MET: variants seen among roughly 807,000 people sequenced by gnomAD.
MET encodes hepatocyte growth factor receptor.
MET carries 48 observed loss-of-function variants against 133.1 expected under a neutral mutation model. That is an observed-to-expected ratio of 0.36 (90% CI 0.29 to 0.46). The LOEUF (loss-of-function observed/expected upper bound fraction) is 0.46. Among genes scored for constraint, MET ranks in the 20% least tolerant of loss-of-function variants. MET has a pLI of 1.00. For missense variants in MET, 1,442 were observed against 1,695.9 expected (o/e 0.85, Z 2.63); for synonymous variants, 628 against 616.5 (o/e 1.02, Z -0.28).
chr7:116,796,140 A>G lies in MET; in HGVS notation c.*16A>G, dbSNP rs200573684. The G allele has an allele frequency of 5.0e-6, 8 of 1,597,262 alleles. No individual in the cohort carries two copies. Among genetic ancestry groups the G allele is most frequent in the Non-Finnish European group, 6.0e-6 (7 of 1,165,000 alleles). ...GACATCATAGTGCTAGTACTATGTC[A>G]AAGCAACAGTCCACACTTTGTCCAA... On this transcript the variant is annotated 3_prime_UTR_variant, in exon 21 of 21. Coordinates refer to ENST00000397752, the MANE Select transcript of MET (RefSeq NM_000245.4).
intron 17 of MET, among the ~76,000 whole-genome samples, chr7:116,779,206 C>T (rs1795082327): frequency 6.6e-6 from 1 of 152,170 alleles, no homozygotes; most frequent in African/African-American, 2.4e-5. Flanking sequence ...CTGATAGGGA[C>T]ATTTAGTCAT....
intron 2 of MET, among the ~76,000 whole-genome samples, chr7:116,724,526 A>C (rs1182199807): frequency 6.6e-6 from 1 of 152,196 alleles, no homozygotes; most frequent in African/African-American, 2.4e-5. Context: ...CTTTTTAAAA[A>C]TTTCCTATAA....
chr7:116,676,635 A>G (rs1796169121), intron 1 of MET, among the ~76,000 whole-genome samples: 1 of 152,212 alleles, frequency 6.6e-6, no homozygotes, highest in Non-Finnish European at 1.5e-5. Flanking sequence ...AGAGAGTGGG[A>G]TGGTGATTGA....
At chr7:116,678,406 C>T (rs1796234396) in intron 1 of MET, among the ~76,000 whole-genome samples, 1 of 149,518 alleles carries the variant, frequency 6.7e-6, no homozygotes, top group Admixed American at 6.6e-5. Context: ...AGCACCTAGA[C>T]TCTCAGGTCC....
At position 116,740,117 on chromosome 7, in the gene MET, G is replaced by A. The variant is rs762538423; in HGVS notation, c.1527+33G>A. On this transcript the variant is annotated intron_variant, in intron 4 of 20. Transcript: ENST00000397752. ...GTTCCCACAGGGAATTTCCATAGACGTGGTTTTTCCCAAATGCATATTTAC... is the reference window on the plus strand; with the variant it reads ...GTTCCCACAGGGAATTTCCATAGACATGGTTTTTCCCAAATGCATATTTAC... 30 of 1,613,278 alleles carry A rather than the reference G, an allele frequency of 1.9e-5. No individual in the cohort carries two copies. The highest frequency in any genetic ancestry group is 2.3e-5 in the Non-Finnish European group (27 of 1,179,468).
intron 1 of MET, among the ~76,000 whole-genome samples, chr7:116,693,528 T>C (rs1196809163): frequency 6.6e-6 from 1 of 152,210 alleles, no homozygotes; most frequent in African/African-American, 2.4e-5. Flanking sequence ...TTAGCTGCAC[T>C]GCCACAACTA....
intron 19 of MET, among the ~76,000 whole-genome samples, chr7:116,784,377 T>A (rs1795247012): frequency 6.6e-6 from 1 of 152,216 alleles, no homozygotes; most frequent in Non-Finnish European, 1.5e-5. Flanking sequence ...GTTCTCACAC[T>A]GCTATAAAGA....
At chr7:116,759,588 A>G in intron 10 of MET, 98 bp downstream of exon 10, 2 of 1,355,752 alleles carry the variant, frequency 1.5e-6, no homozygotes, top group African/African-American at 2.9e-5. Flanking sequence ...TTCGCCTTTA[A>G]GGTTTGCTAG....
chr7:116,774,835 A>T (rs905262666), intron 14 of MET, 46 bp from the exon 15 acceptor site: 3 of 1,447,878 alleles, frequency 2.1e-6, no homozygotes, highest in Non-Finnish European at 2.9e-6. Flanking sequence ...TCCCCATTAA[A>T]TGAGGTTTTA....
chr7:116,755,433 A>C lies in MET; in HGVS notation c.1780A>C (p.Asn594His). 1 of 1,614,162 alleles carries C rather than the reference A, an allele frequency of 6.2e-7. No individual in the cohort carries two copies. The highest frequency in any genetic ancestry group is 1.1e-5 in the South Asian group (1 of 91,084). Residue 594 changes from asparagine (N) to histidine (H), a missense_variant, in exon 6 of 21, where the codon AAT becomes CAT. This residue lies in a region of MET where 762 missense variants were observed against 792.4 expected (regional missense o/e 0.96). Coordinates refer to ENST00000397752, the MANE Select transcript of MET (RefSeq NM_000245.4). ...CTGGGACTTTGGATTTCGGAGGAATAATAAATTTGATTTAAAGAAAACTAG... is the reference window on the plus strand; with the variant it reads ...CTGGGACTTTGGATTTCGGAGGAATCATAAATTTGATTTAAAGAAAACTAG... ...CGWDFGFRRN[N>H]KFDLKKTRVL...
intron 2 of MET, among the ~76,000 whole-genome samples, chr7:116,704,717 A>G (rs1157355622): frequency 6.6e-6 from 1 of 152,080 alleles, no homozygotes; most frequent in Non-Finnish European, 1.5e-5. Context: ...AAGACAATTG[A>G]ATCAAAACTG....
chr7:116,750,794 TAGGTGGC>T (rs1046435889), intron 5 of MET, among the ~76,000 whole-genome samples: 4 of 152,136 alleles, frequency 2.6e-5, no homozygotes, highest in African/African-American at 9.7e-5. Flanking sequence ...AGAAGACATT[TAGGTGGC>T]CAAAAAACAT....
rs1491236394 is a variant in MET at position 116,769,620 on chromosome 7, CCT to C, written c.2584-24_2584-23del. 184 of 1,542,468 alleles carry C rather than the reference CCT, an allele frequency of 1.2e-4. No individual in the cohort carries two copies. The highest frequency in any genetic ancestry group is 1.0e-3 in the Middle Eastern group (6 of 5,912). ...CTGCAGAACTGTGAAGTGTTAACAACCTTTTTTTTTTTTTTTCCTTTCAGGGA... is the reference window on the plus strand; with the variant it reads ...CTGCAGAACTGTGAAGTGTTAACAACTTTTTTTTTTTTTTCCTTTCAGGGA... On this transcript the variant is annotated intron_variant, in intron 11 of 20. Transcript: ENST00000397752.
intron 9 of MET, among the ~76,000 whole-genome samples, 164 bp downstream of exon 9, chr7:116,758,784 G>A (rs897490087): frequency 2.6e-5 from 4 of 152,206 alleles, no homozygotes; most frequent in African/African-American, 9.6e-5. Context: ...TTCAGGTTCT[G>A]AGTGTAGTTT....
At chr7:116,678,558 T>A (rs1672390373) in intron 1 of MET, among the ~76,000 whole-genome samples, 1 of 152,192 alleles carries the variant, frequency 6.6e-6, no homozygotes, top group South Asian at 2.1e-4. Context: ...TGAAATAATA[T>A]GGTCTTTGCA....
Position 116,700,051 on chromosome 7 carries a change from A to G in MET, c.967A>G (p.Ser323Gly), listed in dbSNP as rs201467281. 1.7e-4 allele frequency: 277 copies of G among 1,613,770 alleles called. No homozygotes were observed. Among genetic ancestry groups the G allele is most frequent in the Non-Finnish European group, 3.6e-5 (43 of 1,179,948 alleles). The change falls in exon 2 of 21, where the codon AGC (serine) becomes GGC (glycine). Residue 323 changes from serine to glycine, a missense_variant. This residue lies in a region of MET where 762 missense variants were observed against 792.4 expected (regional missense o/e 0.96). Coordinates refer to ENST00000397752, the MANE Select transcript of MET (RefSeq NM_000245.4). ...VFNILQAAYV[S>G]KPGAQLARQI... ...TAATATACTTCAGGCTGCGTATGTCAGCAAGCCTGGGGCCCAGCTTGCTAG... is the reference window on the plus strand; with the variant it reads ...TAATATACTTCAGGCTGCGTATGTCGGCAAGCCTGGGGCCCAGCTTGCTAG...
chr7:116,716,521 G>GAAAGAAAGAAAGAAAGAA (rs1792242462), intron 2 of MET, among the ~76,000 whole-genome samples: 1 of 148,506 alleles, frequency 6.7e-6, no homozygotes, highest in South Asian at 2.1e-4. Flanking sequence ...AAGAAAGAAA[G>GAAAGAAAGAAAGAAAGAA]AAAGAAAGAA....
intron 1 of MET, among the ~76,000 whole-genome samples, chr7:116,673,251 G>A (rs370850638): frequency 2.4e-4 from 36 of 152,186 alleles, no homozygotes; most frequent in African/African-American, 8.4e-4. Flanking sequence ...CCGAAGTACG[G>A]TTTCCCATTC....
chr7:116,762,867 G>T (rs1423536772), intron 10 of MET, among the ~76,000 whole-genome samples, 183 bp from the exon 11 acceptor site: 1 of 152,172 alleles, frequency 6.6e-6, no homozygotes. Context: ...TGAAGGGTGG[G>T]TTGTTTGGAT....
Sources: allele counts gnomAD v4.1 joint callset (sites outside exome capture counted in the v4.1 genomes callset), GRCh38; gene constraint gnomAD v4.1.1; regional missense constraint gnomAD v4.1.1; transcripts MANE v1.5; gene names NCBI Gene and HGNC (gene_info 2026-07-23, HGNC 2026-07-21).